Variants in ZNF469 observed in about 807,000 individuals in gnomAD.
ZNF469 encodes the protein zinc finger protein 469.
Under a neutral mutation model 1.0 loss-of-function variants are expected in ZNF469, and 1 was observed. The observed-to-expected ratio is 1.00, with a 90% confidence interval of 0.35 to 4.73. ZNF469 has a LOEUF of 4.73. Among genes scored for constraint, ZNF469 ranks in the 30% most tolerant of loss-of-function variants. The pLI is 0.16. For synonymous variants in ZNF469, 2,703 were observed against 2,363.4 expected (o/e 1.14, Z -4.17); for missense variants, 6,100 against 5,356.3 (o/e 1.14, Z -4.33).
chr16:88,418,997 G>T lies in ZNF469; in HGVS notation c.-191-5810G>T, dbSNP rs144565745. Among the ~76,000 whole-genome samples, 8 of 152,332 alleles carry T rather than the reference G, an allele frequency of 5.3e-5. No individual in the cohort carries two copies. In the East Asian group the frequency reaches 1.5e-3, roughly 29 times the overall value. On this transcript the variant is annotated intron_variant, in intron 1 of 2. Coordinates refer to ENST00000565624, the MANE Select transcript of ZNF469 (RefSeq NM_001367624.2). ...ACCAGGGTTTGGGGTGAGCCTGGCC[G>T]CCTGCCCAAGTTGTGAATGGGGCCG...
chr16:88,239,886 A>G, the ZNF469 span, among the ~76,000 whole-genome samples: 4 of 147,824 alleles, frequency 2.7e-5, no homozygotes, highest in Non-Finnish European at 6.0e-5. Flanking sequence ...TCTTAATGAC[A>G]GTGTTATCTT....
At chr16:88,116,612 C>G in the ZNF469 span, among the ~76,000 whole-genome samples, 5 of 152,192 alleles carry the variant, frequency 3.3e-5, no homozygotes, top group African/African-American at 1.2e-4. Flanking sequence ...AGTGGACACA[C>G]GAATGGCCAC....
chr16:88,144,855 T>C, the ZNF469 span, among the ~76,000 whole-genome samples: 1 of 152,028 alleles, frequency 6.6e-6, no homozygotes, highest in Non-Finnish European at 1.5e-5. Context: ...CCCCTTTTTT[T>C]TTTTCTCTTT....
chr16:88,375,228 T>G, the ZNF469 span, among the ~76,000 whole-genome samples: 1 of 152,202 alleles, frequency 6.6e-6, no homozygotes, highest in African/African-American at 2.4e-5. Flanking sequence ...AGAGTTCACC[T>G]CCATCCGGAC....
chr16:88,138,921 C>G, the ZNF469 span, among the ~76,000 whole-genome samples: 9 of 152,318 alleles, frequency 5.9e-5, no homozygotes, highest in South Asian at 1.7e-3. Context: ...GGCTATTCAC[C>G]ATTCGGCTGC....
chr16:88,105,746 A>T, the ZNF469 span, among the ~76,000 whole-genome samples: 1,024 of 152,252 alleles, frequency 6.7e-3, 12 homozygotes, highest in African/African-American at 0.023. Context: ...CCCTGGTGGG[A>T]GCTCGGTAGT....
intron 1 of ZNF469, among the ~76,000 whole-genome samples, chr16:88,411,984 G>C (rs958029754): frequency 0.023 from 4 of 172 alleles, no homozygotes; most frequent in African/African-American, 0.071. Flanking sequence ...GCAAGGCCAG[G>C]TCCAGCTGGC....
chr16:88,249,511 A>G, the ZNF469 span, among the ~76,000 whole-genome samples: 1 of 129,948 alleles, frequency 7.7e-6, no homozygotes, highest in South Asian at 2.5e-4. Flanking sequence ...ATCTCGGCTC[A>G]CTGCAAGCTC....
chr16:88,435,767 T>G lies in ZNF469; in HGVS notation c.8297T>G (p.Val2766Gly), dbSNP rs529180104. The G allele has an allele frequency of 7.7e-6, 12 of 1,550,662 alleles. 1 individual carries two copies. In the South Asian group the frequency reaches 1.4e-4, roughly 18 times the overall value. The change falls in exon 3 of 3, where the codon GTG becomes GGG. Residue 2766 changes from valine (V) to glycine (G), a missense_variant. Val to Gly is a moderately radical substitution (Grantham distance 109). Transcript: ENST00000565624. ...CCAAGAGAGACCAAGGCGTTGGGTG[T>G]GTGCAAAGAGTCTGGGAGCGAGCCT... ...WGPRETKALG[V>G]CKESGSEPAE...
At chr16:88,107,803 C>T in the ZNF469 span, among the ~76,000 whole-genome samples, 1 of 152,330 alleles carries the variant, frequency 6.6e-6, no homozygotes, top group South Asian at 2.1e-4. Flanking sequence ...CAGGAAGGAC[C>T]CTCAGGAGAG....
Position 88,431,273 on chromosome 16 carries a change from C to G in ZNF469, c.3803C>G (p.Pro1268Arg). Residue 1268 changes from proline (P) to arginine (R), a missense_variant, in exon 3 of 3, where the codon CCG (proline) becomes CGG (arginine). By Grantham distance (103) the Pro-to-Arg change is moderately radical. Coordinates refer to ENST00000565624, the MANE Select transcript of ZNF469 (RefSeq NM_001367624.2). Reference sequence around the variant, plus strand: ...CCCGGTCTCCTGATACCAGAGCAGCCGCCGCCCAGCAGACATGACACCGGC... The same window carrying G: ...CCCGGTCTCCTGATACCAGAGCAGCGGCCGCCCAGCAGACATGACACCGGC... ...ASPGLLIPEQ[P>R]PPSRHDTGTP... The G allele has an allele frequency of 6.5e-7, 1 of 1,550,342 alleles. No individual in the cohort carries two copies. Among genetic ancestry groups the G allele is most frequent in the East Asian group, 2.4e-5 (1 of 40,908 alleles).
Position 88,434,049 on chromosome 16 carries a change from G to C in ZNF469, c.6579G>C (p.Pro2193=), listed in dbSNP as rs572828624. 6.5e-7 allele frequency: 1 copy of C among 1,550,280 alleles called. No homozygotes were observed. Among genetic ancestry groups the C allele is most frequent in the Non-Finnish European group, 8.7e-7 (1 of 1,146,884 alleles). ...CAGATACTGGGGCTGAGGATTCCCCGGTGGCTCCCCCGTCTTTGACAACAA... is the reference window on the plus strand; with the variant it reads ...CAGATACTGGGGCTGAGGATTCCCCCGTGGCTCCCCCGTCTTTGACAACAA... ...ATTDTGAEDS[P]VAPPSLTTSP... is the part of the protein sequence containing the mutation. Residue 2193 remains proline (P), a synonymous_variant, in exon 3 of 3, where the codon CCG becomes CCC. Coordinates refer to ENST00000565624, the MANE Select transcript of ZNF469 (RefSeq NM_001367624.2).
chr16:88,380,297 G>A (rs1450395253), upstream of ZNF469, among the ~76,000 whole-genome samples: 6 of 97,684 alleles, frequency 6.1e-5, no homozygotes, highest in African/African-American at 2.0e-4. Flanking sequence ...ACACACACAC[G>A]CACTAAAACA....
the ZNF469 span, among the ~76,000 whole-genome samples, chr16:88,131,956 G>A: frequency 1.5e-4 from 23 of 152,218 alleles, no homozygotes; most frequent in African/African-American, 5.1e-4. Context: ...GCTCCTGCCC[G>A]GCCCGCGCAT....
At chr16:88,278,985 G>A in the ZNF469 span, among the ~76,000 whole-genome samples, 36,139 of 135,784 alleles carry the variant, frequency 0.27, 5,012 homozygotes, top group South Asian at 0.34. Context: ...GGTGTGCCAC[G>A]CTGACACTGG....
At chr16:88,291,546 C>T in the ZNF469 span, among the ~76,000 whole-genome samples, 3 of 152,182 alleles carry the variant, frequency 2.0e-5, no homozygotes, top group South Asian at 2.1e-4. Context: ...GCTCAGCACG[C>T]GGCTTGCCTG....
upstream of ZNF469, among the ~76,000 whole-genome samples, chr16:88,380,546 CAG>C (rs1368032381): frequency 1.6e-4 from 24 of 146,882 alleles, no homozygotes; most frequent in African/African-American, 5.7e-4. Context: ...CGCACTAACA[CAG>C]ACATGCACTC....
the ZNF469 span, among the ~76,000 whole-genome samples, chr16:88,302,113 C>T: frequency 1.3e-5 from 2 of 152,172 alleles, no homozygotes; most frequent in Non-Finnish European, 2.9e-5. Flanking sequence ...GCTGGGCTCT[C>T]GGTCAGGACA....
At chr16:88,417,594 G>A (rs921464565) in intron 1 of ZNF469, among the ~76,000 whole-genome samples, 10 of 152,286 alleles carry the variant, frequency 6.6e-5, no homozygotes, top group African/African-American at 1.7e-4. Flanking sequence ...CTCGCTCCCC[G>A]CACATGGTCC....
Sources: allele counts gnomAD v4.1 joint callset (sites outside exome capture counted in the v4.1 genomes callset), GRCh38; gene constraint gnomAD v4.1.1; transcripts MANE v1.5; gene names NCBI Gene and HGNC (gene_info 2026-07-23, HGNC 2026-07-21).